The following B4GALT1 variants were observed in gnomAD, a reference collection of about 807,000 sequenced individuals.
B4GALT1 encodes N-acetyllactosamine synthase.
B4GALT1 carries 16 observed loss-of-function variants against 34.9 expected under a neutral mutation model. The observed-to-expected ratio is 0.46, with a 90% CI of 0.31 to 0.70. B4GALT1 has a LOEUF of 0.70. Among genes scored for constraint, B4GALT1 ranks in the 30% least tolerant of loss-of-function variants. The pLI is 0.05. For synonymous variants in B4GALT1, 221 were observed against 218.1 expected, an observed-to-expected ratio of 1.01 and a Z score of -0.12; for missense variants, 445 against 530.5, an observed-to-expected ratio of 0.84 and a Z score of 1.58.
intron 2 of B4GALT1, among the ~76,000 whole-genome samples, chr9:33,126,964 GT>G (rs1840120234): frequency 1.7e-5 from 2 of 120,770 alleles, no homozygotes; most frequent in Non-Finnish European, 3.7e-5. Context: ...TTTTTGTTTT[GT>G]TTGTTTGTTT....
At chr9:33,150,973 AGAAG>A (rs3837267) in intron 1 of B4GALT1, among the ~76,000 whole-genome samples, 38,255 of 151,666 alleles carry the variant, frequency 0.25, 5,150 homozygotes, top group East Asian at 0.52. Flanking sequence ...CTGGATGGAA[AGAAG>A]GAAGGAAGGA....
At chr9:33,162,978 AAAC>A (rs1200851766) in intron 1 of B4GALT1, among the ~76,000 whole-genome samples, 7 of 152,214 alleles carry the variant, frequency 4.6e-5, no homozygotes, top group African/African-American at 1.7e-4. Flanking sequence ...TCCACGAAAA[AAAC>A]AACAGGACAA....
At chr9:33,135,983 G>A (rs2118161154) in intron 1 of B4GALT1, among the ~76,000 whole-genome samples, 1 of 151,528 alleles carries the variant, frequency 6.6e-6, no homozygotes, top group East Asian at 1.9e-4. Context: ...TAGCTTCGAA[G>A]TGGAAGGTAG....
At chr9:33,168,177 T>C (rs1840800471), upstream of B4GALT1, among the ~76,000 whole-genome samples, 1 of 152,176 alleles carries the variant, frequency 6.6e-6, no homozygotes, top group Admixed American at 6.5e-5. Context: ...CCCCGGCAGA[T>C]TAAGAAACTT....
chr9:33,113,439 C>T lies in B4GALT1; in HGVS notation c.*15G>A, dbSNP rs1169760574. On this transcript the variant is annotated 3_prime_UTR_variant, in exon 6 of 6. Coordinates refer to ENST00000379731, the MANE Select transcript of B4GALT1 (RefSeq NM_001497.4). ...CCCTGGCTAATTTCAGGTCTCTTAT[C>T]CGTGTACCAAAACGCTAGCTCGGTG... The T allele has an allele frequency of 6.2e-7, 1 of 1,614,066 alleles. No individual in the cohort carries two copies. Among genetic ancestry groups the T allele is most frequent in the African/African-American group, 1.3e-5 (1 of 74,936 alleles).
the B4GALT1 span, among the ~76,000 whole-genome samples, chr9:33,182,842 G>A: frequency 4.0e-5 from 6 of 151,790 alleles, no homozygotes; most frequent in African/African-American, 1.5e-4. Context: ...TTTTATTGTG[G>A]AAAATTTTAA....
downstream of B4GALT1, among the ~76,000 whole-genome samples, chr9:33,106,077 C>A (rs1338889818): frequency 6.6e-6 from 1 of 152,094 alleles, no homozygotes; most frequent in Non-Finnish European, 1.5e-5. Context: ...ACATTCCTAC[C>A]AGCAATGCAC....
chr9:33,107,164 A>G (rs541268923), downstream of B4GALT1, among the ~76,000 whole-genome samples: 57 of 152,288 alleles, frequency 3.7e-4, no homozygotes, highest in African/African-American at 1.3e-3. Flanking sequence ...TGAAGCCCAG[A>G]AAAAGGCAGT....
chr9:33,146,066 C>A (rs1840421260), intron 1 of B4GALT1, among the ~76,000 whole-genome samples: 1 of 152,154 alleles, frequency 6.6e-6, no homozygotes, highest in Non-Finnish European at 1.5e-5. Flanking sequence ...AAATGCAAAG[C>A]CTTGGGGTCA....
intron 1 of B4GALT1, among the ~76,000 whole-genome samples, chr9:33,145,842 G>T (rs1325322893): frequency 6.6e-6 from 1 of 152,216 alleles, no homozygotes; most frequent in Non-Finnish European, 1.5e-5. Flanking sequence ...TAGGGGCCAG[G>T]GGGGCCTTCA....
chr9:33,106,361 C>T (rs780261941), downstream of B4GALT1, among the ~76,000 whole-genome samples: 7 of 152,176 alleles, frequency 4.6e-5, no homozygotes, highest in Non-Finnish European at 7.3e-5. Flanking sequence ...CCTCTTAACC[C>T]TATTTCTTAC....
rs1839878463 is a variant in B4GALT1 at position 33,112,552 on chromosome 9, C to T, written c.*902G>A. The T allele has an allele frequency of 6.6e-6, 1 of 152,614 alleles. No individual in the cohort carries two copies. The highest frequency in any genetic ancestry group is 6.5e-5 in the Admixed American group (1 of 15,278). The allele number at this position is 152,614 out of a possible 1,614,324, so 9.5% of individuals were successfully genotyped here. ...TATTTATTTTTCTCCCTAAAAAATG[C>T]TCAATACCCCTCCCCATATTTAAAA... On this transcript the variant is annotated 3_prime_UTR_variant, in exon 6 of 6. Transcript: ENST00000379731.
intron 1 of B4GALT1, among the ~76,000 whole-genome samples, chr9:33,155,485 C>T (rs1455203015): frequency 6.6e-6 from 1 of 152,204 alleles, no homozygotes; most frequent in Non-Finnish European, 1.5e-5. Context: ...TTTATGATGG[C>T]CTCTTGCCCA....
Position 33,112,530 on chromosome 9 carries a change from T to C in B4GALT1, c.*924A>G, listed in dbSNP as rs983675797. 2 of 152,664 alleles carry C rather than the reference T, an allele frequency of 1.3e-5. No homozygotes were observed. Among genetic ancestry groups the C allele is most frequent in the African/African-American group, 4.8e-5 (2 of 41,468 alleles). The allele number at this position is 152,664 out of a possible 1,614,324, so 9.5% of individuals were successfully genotyped here. On this transcript the variant is annotated 3_prime_UTR_variant, in exon 6 of 6. Coordinates refer to ENST00000379731, the MANE Select transcript of B4GALT1 (RefSeq NM_001497.4). ...TATTTGTGGCCACTACAGCATATAT[T>C]TATTTTTCTCCCTAAAAAATGCTCA...
At chr9:33,107,840 C>T (rs1839810550), downstream of B4GALT1, among the ~76,000 whole-genome samples, 1 of 152,124 alleles carries the variant, frequency 6.6e-6, no homozygotes, top group African/African-American at 2.4e-5. Flanking sequence ...TAAACACCTT[C>T]ACTCAGGTGG....
chr9:33,128,518 C>G (rs986790941), intron 2 of B4GALT1, among the ~76,000 whole-genome samples: 3 of 152,170 alleles, frequency 2.0e-5, no homozygotes, highest in African/African-American at 7.2e-5. Context: ...GTGGGGCACA[C>G]AGCAAAGGGG....
chr9:33,129,874 G>A (rs1343252863), intron 2 of B4GALT1, among the ~76,000 whole-genome samples: 1 of 152,130 alleles, frequency 6.6e-6, no homozygotes, highest in African/African-American at 2.4e-5. Flanking sequence ...GGTGGAGATG[G>A]GGAGTCCAGT....
At chr9:33,116,257 T>A in intron 3 of B4GALT1, 144 bp from the exon 4 acceptor site, 1 of 1,096,320 alleles carries the variant, frequency 9.1e-7, no homozygotes, top group Non-Finnish European at 1.3e-6. Context: ...TTTTGAGACG[T>A]AGTCTTGCTC....
At chr9:33,154,005 G>A (rs1357746133) in intron 1 of B4GALT1, among the ~76,000 whole-genome samples, 2 of 117,710 alleles carry the variant, frequency 1.7e-5, no homozygotes, top group Admixed American at 8.8e-5. Context: ...GGGGAGGGGA[G>A]AGAGAGAGAG....
Sources: gnomAD v4.1 joint callset for allele counts (sites outside exome capture counted in the v4.1 genomes callset) on GRCh38, gnomAD v4.1.1 for gene constraint, MANE v1.5 for transcripts, NCBI Gene and HGNC (gene_info 2026-07-23, HGNC 2026-07-21) for gene names.